GCSAML: variants seen among roughly 807,000 people sequenced by gnomAD.
The protein encoded by GCSAML is germinal center associated signaling and motility like.
In GCSAML, 9 loss-of-function variants were observed where a neutral mutation model predicts 13.0. The observed-to-expected ratio is 0.69, with a 90% CI of 0.42 to 1.21. The LOEUF (loss-of-function observed/expected upper bound fraction) is 1.21, where lower values mean the gene tolerates loss of function less well. GCSAML is among the 50% of genes most tolerant of loss of function. GCSAML has a pLI of 0.00. For synonymous variants in GCSAML, 37 were observed against 52.9 expected, an observed-to-expected ratio of 0.70 and a Z score of 1.31; for missense variants, 143 against 153.4, an observed-to-expected ratio of 0.93 and a Z score of 0.36.
At chr1:247,512,335 C>T (rs899959971) in intron 1 of GCSAML, among the ~76,000 whole-genome samples, 5 of 151,746 alleles carry the variant, frequency 3.3e-5, no homozygotes, top group South Asian at 2.1e-4. Flanking sequence ...AAGAAGTTCT[C>T]GTGATGTGTT....
intron 4 of GCSAML, among the ~76,000 whole-genome samples, chr1:247,572,850 C>G (rs1668672403): frequency 6.6e-6 from 1 of 152,220 alleles, no homozygotes; most frequent in South Asian, 2.1e-4. Flanking sequence ...TGCTGCCTTT[C>G]TTTCAGAGAT....
At chr1:247,563,376 T>C (rs2103057146) in intron 2 of GCSAML, among the ~76,000 whole-genome samples, 1 of 152,354 alleles carries the variant, frequency 6.6e-6, no homozygotes, top group East Asian at 1.9e-4. Context: ...CTTAGCTTCA[T>C]GCTATATGGA....
At chr1:247,559,891 C>G (rs565241078) in intron 2 of GCSAML, among the ~76,000 whole-genome samples, 1 of 152,148 alleles carries the variant, frequency 6.6e-6, no homozygotes, top group Non-Finnish European at 1.5e-5. Flanking sequence ...AATCTTATGA[C>G]CTTGTTTTAA....
intron 2 of GCSAML, among the ~76,000 whole-genome samples, chr1:247,542,144 T>G (rs562299770): frequency 1.3e-5 from 2 of 152,128 alleles, no homozygotes; most frequent in Non-Finnish European, 2.9e-5. Flanking sequence ...GGCATTGTGG[T>G]GCATACCTGT....
intron 1 of GCSAML, among the ~76,000 whole-genome samples, chr1:247,522,240 G>A (rs1487078561): frequency 8.5e-6 from 1 of 118,128 alleles, no homozygotes; most frequent in African/African-American, 3.5e-5. Context: ...CGCCCTGTCC[G>A]GGAGGGAGGT....
In GCSAML at chr1:247,521,301, A is replaced by G. The variant is rs982370066; in HGVS notation, c.-262-5639A>G. ...GCATTTTCAACAGTTTATGAAAAAC[A>G]TAATGTCTCCCTCTCCCTCTCCAGT... On this transcript the variant is annotated intron_variant, in intron 1 of 5. Transcript: ENST00000366489. Among the ~76,000 whole-genome samples the G allele has an allele frequency of 1.8e-4, 25 of 142,572 alleles. 1 individual carries two copies. Among genetic ancestry groups the G allele is most frequent in the Admixed American group, 1.5e-3 (22 of 14,712 alleles). The allele number at this position is 142,572 out of a possible 152,430, so 93.5% of individuals were successfully genotyped here. A position where few individuals can be genotyped will look rare whatever the true frequency, so the allele number is the denominator to read the frequency against.
upstream of GCSAML, among the ~76,000 whole-genome samples, chr1:247,546,445 G>A (rs1463250164): frequency 2.6e-5 from 4 of 151,994 alleles, no homozygotes; most frequent in South Asian, 2.1e-4. Flanking sequence ...TGCAAACTCC[G>A]CCTTCCGGGT....
chr1:247,547,641 C>G (rs183568739), upstream of GCSAML, among the ~76,000 whole-genome samples: 1 of 152,316 alleles, frequency 6.6e-6, no homozygotes, highest in Non-Finnish European at 1.5e-5. Context: ...TTAGGTGGAT[C>G]TTGAGAGTTT....
intron 2 of GCSAML, among the ~76,000 whole-genome samples, chr1:247,534,853 A>G (rs1156827081): frequency 6.6e-6 from 1 of 152,208 alleles, no homozygotes; most frequent in Non-Finnish European, 1.5e-5. Flanking sequence ...AATGAGGCTC[A>G]GAAAACTCTA....
intron 1 of GCSAML, among the ~76,000 whole-genome samples, chr1:247,508,544 T>C (rs1479001102): frequency 6.6e-6 from 1 of 152,190 alleles, no homozygotes; most frequent in Non-Finnish European, 1.5e-5. Flanking sequence ...TTTGGCTTTT[T>C]TTGGCCATTG....
At chr1:247,521,404 C>G (rs563356911) in intron 1 of GCSAML, among the ~76,000 whole-genome samples, 1 of 151,982 alleles carries the variant, frequency 6.6e-6, no homozygotes, top group Admixed American at 6.5e-5. Flanking sequence ...CTCTCCCTCT[C>G]TTTCCATGGT....
chr1:247,561,015 G>A (rs746865539), intron 2 of GCSAML, among the ~76,000 whole-genome samples: 6 of 151,992 alleles, frequency 3.9e-5, no homozygotes, highest in Non-Finnish European at 7.4e-5. Context: ...GTACAATGGC[G>A]TGATCTCGGC....
At chr1:247,565,838 C>A in intron 3 of GCSAML, 93 bp from the exon 4 acceptor site, 1 of 979,070 alleles carries the variant, frequency 1.0e-6, no homozygotes, top group Non-Finnish European at 1.5e-6. Flanking sequence ...CTTCTACATT[C>A]TGTTTTTTTC....
chr1:247,550,543 A>G (rs527653349), intron 1 of GCSAML, among the ~76,000 whole-genome samples: 1 of 152,254 alleles, frequency 6.6e-6, no homozygotes, highest in South Asian at 2.1e-4. Flanking sequence ...AGGCTGGGGC[A>G]GGAGAATGGC....
chr1:247,544,935 A>C (rs1667519057), upstream of GCSAML, among the ~76,000 whole-genome samples: 2 of 152,214 alleles, frequency 1.3e-5, no homozygotes, highest in Non-Finnish European at 2.9e-5. Flanking sequence ...AGCAATCTTC[A>C]TTTTGCCTTT....
chr1:247,524,383 T>C (rs1666573805), intron 1 of GCSAML, among the ~76,000 whole-genome samples: 1 of 152,162 alleles, frequency 6.6e-6, no homozygotes, highest in Admixed American at 6.5e-5. Flanking sequence ...CCATGCTGTG[T>C]GACTTCCTCC....
chr1:247,532,227 A>C (rs747171780), intron 2 of GCSAML: 5 of 1,614,078 alleles, frequency 3.1e-6, no homozygotes, highest in Non-Finnish European at 4.2e-6. Context: ...CACACCCTCC[A>C]TAGCTTATGG....
intron 4 of GCSAML, among the ~76,000 whole-genome samples, chr1:247,573,232 G>A (rs894496205): frequency 6.6e-6 from 1 of 152,162 alleles, no homozygotes; most frequent in South Asian, 2.1e-4. Flanking sequence ...AAAAACTCCT[G>A]CAGCTAGCTT....
At chr1:247,558,040 G>T (rs1200710966) in intron 2 of GCSAML, among the ~76,000 whole-genome samples, 1 of 152,172 alleles carries the variant, frequency 6.6e-6, no homozygotes, top group Non-Finnish European at 1.5e-5. Context: ...ATACCAGCAA[G>T]CCTTTATTAC....
Sources: gnomAD v4.1 joint callset for allele counts (sites outside exome capture counted in the v4.1 genomes callset) on GRCh38, gnomAD v4.1.1 for gene constraint, MANE v1.5 for transcripts, NCBI Gene and HGNC (gene_info 2026-07-23, HGNC 2026-07-21) for gene names.